Variants in GLIS3 observed in about 807,000 individuals in gnomAD.
GLIS3 encodes zinc finger protein GLIS3.
GLIS3 carries 53 observed loss-of-function variants against 78.6 expected under a neutral mutation model. The observed-to-expected ratio is 0.67, with a 90% CI of 0.54 to 0.85. GLIS3 has a LOEUF of 0.85. Among genes scored for constraint, GLIS3 ranks in the 40% least tolerant of loss-of-function variants. The pLI, the probability that GLIS3 is intolerant of heterozygous loss-of-function variation, is 0.00. For missense variants in GLIS3, 1,703 were observed against 1,231.1 expected (o/e 1.38, Z -5.74); for synonymous variants, 684 against 509.9 (o/e 1.34, Z -4.60).
At chr9:3,944,103 T>G (rs139393905) in intron 4 of GLIS3, among the ~76,000 whole-genome samples, 2 of 152,136 alleles carry the variant, frequency 1.3e-5, no homozygotes, top group South Asian at 2.1e-4. Context: ...TTTTTAACAT[T>G]TGGGTCATGA....
At chr9:4,397,162 A>C in the GLIS3 span, among the ~76,000 whole-genome samples, 3 of 138,766 alleles carry the variant, frequency 2.2e-5, no homozygotes, top group South Asian at 2.3e-4. Flanking sequence ...AGTAGCTGGG[A>C]CTACAGGTGC....
At chr9:4,257,941 TAC>T (rs1009728447) in intron 2 of GLIS3, among the ~76,000 whole-genome samples, 1 of 152,128 alleles carries the variant, frequency 6.6e-6, no homozygotes, top group Non-Finnish European at 1.5e-5. Flanking sequence ...CAACAAAAAA[TAC>T]ACATTTATAT....
intron 2 of GLIS3, among the ~76,000 whole-genome samples, chr9:4,235,767 C>A (rs1190150552): frequency 2.0e-5 from 3 of 152,068 alleles, no homozygotes; most frequent in African/African-American, 7.2e-5. Flanking sequence ...ATCATTTAAC[C>A]ACTTTGCTGT....
intron 2 of GLIS3, among the ~76,000 whole-genome samples, chr9:4,184,144 T>A (rs1421942271): frequency 6.6e-6 from 1 of 152,222 alleles, no homozygotes; most frequent in Non-Finnish European, 1.5e-5. Context: ...ATATAATTAA[T>A]CACACATTCC....
chr9:4,292,891 G>A (rs184472472), intron 1 of GLIS3, among the ~76,000 whole-genome samples: 9 of 152,278 alleles, frequency 5.9e-5, no homozygotes, highest in Non-Finnish European at 7.4e-5. Context: ...CTGAAAAGAG[G>A]AATTTGAAAT....
chr9:4,342,430 T>C (rs1342068402), intron 2 of GLIS3, among the ~76,000 whole-genome samples: 1 of 152,198 alleles, frequency 6.6e-6, no homozygotes, highest in Non-Finnish European at 1.5e-5. Flanking sequence ...ATTTCTGGGT[T>C]CTCTATTCTG....
intron 2 of GLIS3, among the ~76,000 whole-genome samples, chr9:4,251,799 G>A (rs1406426958): frequency 6.6e-6 from 1 of 152,132 alleles, no homozygotes; most frequent in Non-Finnish European, 1.5e-5. Context: ...AGGCAGGCCT[G>A]GTAGTGACAA....
At chr9:3,848,868 G>T (rs1819227604) in intron 9 of GLIS3, among the ~76,000 whole-genome samples, 1 of 152,218 alleles carries the variant, frequency 6.6e-6, no homozygotes, top group African/African-American at 2.4e-5. Context: ...CCAGACTGAG[G>T]TAAGAAAATG....
At chr9:4,071,927 C>G (rs1432633803) in intron 4 of GLIS3, 1 of 152,112 alleles carries the variant, frequency 6.6e-6, no homozygotes, top group African/African-American at 2.4e-5. Flanking sequence ...TATCAAGAAA[C>G]ACACCAGAGG....
intron 2 of GLIS3, among the ~76,000 whole-genome samples, chr9:4,265,906 TTG>T (rs1423647909): frequency 1.5e-5 from 1 of 67,594 alleles, no homozygotes; most frequent in African/African-American, 8.5e-5. Context: ...GGTTTTTTTT[TTG>T]TTTGTCTGTT....
chr9:4,322,763 A>AT (rs1270008112), intron 2 of GLIS3, among the ~76,000 whole-genome samples: 12 of 151,824 alleles, frequency 7.9e-5, no homozygotes, highest in African/African-American at 2.9e-4. Flanking sequence ...GGGTTGTTTG[A>AT]TTTTTTCTTG....
chr9:4,446,602 T>A, the GLIS3 span, among the ~76,000 whole-genome samples: 1 of 149,302 alleles, frequency 6.7e-6, no homozygotes, highest in East Asian at 2.0e-4. Context: ...CTCCACCTCC[T>A]GGGTTCAAGT....
chr9:4,322,386 A>G (rs1817546185), intron 2 of GLIS3, among the ~76,000 whole-genome samples: 1 of 152,186 alleles, frequency 6.6e-6, no homozygotes, highest in Admixed American at 6.5e-5. Context: ...TCCTTTGGGT[A>G]TATACTCAAA....
Position 4,235,523 on chromosome 9 carries a change from A to C in GLIS3, c.388+50515T>G, listed in dbSNP as rs1420050900. Among the ~76,000 whole-genome samples the C allele has an allele frequency of 2.6e-5, 4 of 152,184 alleles. No individual in the cohort carries two copies. In the East Asian group the frequency reaches 7.7e-4, roughly 29 times the overall value. ...TTGCAGTGATTTAGTCCTTTTGGTA[A>C]GTGCCAAACAGAGCAGAAGAATTCA... On this transcript the variant is annotated intron_variant, in intron 2 of 10. Transcript: ENST00000381971.
At chr9:4,026,492 A>G (rs1369415169) in intron 4 of GLIS3, among the ~76,000 whole-genome samples, 2 of 152,202 alleles carry the variant, frequency 1.3e-5, no homozygotes, top group Non-Finnish European at 2.9e-5. Context: ...CCATTTTCCA[A>G]AAAGCATTTG....
At chr9:3,982,652 G>A (rs1011111604) in intron 4 of GLIS3, among the ~76,000 whole-genome samples, 2 of 152,108 alleles carry the variant, frequency 1.3e-5, no homozygotes, top group African/African-American at 4.8e-5. Context: ...TTCTGTTTCT[G>A]GCCAGTCAGA....
At chr9:4,169,788 G>A (rs1215207371) in intron 2 of GLIS3, among the ~76,000 whole-genome samples, 2 of 152,030 alleles carry the variant, frequency 1.3e-5, no homozygotes, top group Admixed American at 1.3e-4. Context: ...TTAACATTTG[G>A]GAAATCTGGG....
the GLIS3 span, among the ~76,000 whole-genome samples, chr9:4,473,804 A>G: frequency 6.6e-6 from 1 of 152,152 alleles, no homozygotes; most frequent in Non-Finnish European, 1.5e-5. Context: ...ATAAATAAAT[A>G]AAAATTTTTA....
the GLIS3 span, among the ~76,000 whole-genome samples, chr9:4,408,429 T>TTA: frequency 6.2e-3 from 836 of 134,216 alleles, 11 homozygotes; most frequent in East Asian, 0.049. Context: ...TAATGGATAT[T>TTA]AAAAAAAAAA....
Sources: gnomAD v4.1 joint callset for allele counts (sites outside exome capture counted in the v4.1 genomes callset) on GRCh38, gnomAD v4.1.1 for gene constraint, MANE v1.5 for transcripts, NCBI Gene and HGNC (gene_info 2026-07-23, HGNC 2026-07-21) for gene names.